The following PTCD3 variants were observed in gnomAD, a reference collection of about 807,000 sequenced individuals.
The protein encoded by PTCD3 is small ribosomal subunit protein mS39.
Under a neutral mutation model 101.9 loss-of-function variants are expected in PTCD3, and 89 were observed. That is an observed-to-expected ratio of 0.87 (90% CI 0.74 to 1.04). PTCD3 has a LOEUF of 1.04. PTCD3 is among the 50% of genes least tolerant of loss of function. PTCD3 has a pLI of 0.00. For synonymous variants in PTCD3, 296 were observed against 278.5 expected (o/e 1.06, Z -0.63); for missense variants, 870 against 828.2 (o/e 1.05, Z -0.62).
At chr2:86,118,093 A>G (rs1336386675) in intron 6 of PTCD3, among the ~76,000 whole-genome samples, 2 of 152,140 alleles carry the variant, frequency 1.3e-5, no homozygotes, top group Non-Finnish European at 2.9e-5. Flanking sequence ...CTTCTTAAGC[A>G]TGGGTATCTT....
intron 6 of PTCD3, among the ~76,000 whole-genome samples, chr2:86,117,514 C>T (rs1674196743): frequency 6.6e-6 from 1 of 151,118 alleles, no homozygotes; most frequent in Non-Finnish European, 1.5e-5. Flanking sequence ...ATGGTACAAT[C>T]ATAGCTCATT....
chr2:86,133,757 G>C (rs780651793), intron 19 of PTCD3, among the ~76,000 whole-genome samples: 1 of 152,162 alleles, frequency 6.6e-6, no homozygotes, highest in East Asian at 1.9e-4. Context: ...TCTTTGACCC[G>C]GAAGCCTGTG....
At chr2:86,113,098 A>G (rs1674119650) in intron 4 of PTCD3, among the ~76,000 whole-genome samples, 1 of 152,232 alleles carries the variant, frequency 6.6e-6, no homozygotes, top group Admixed American at 6.5e-5. Context: ...GGGGTTAATT[A>G]TAGCACCAAA....
At chr2:86,117,306 C>G (rs938594372) in intron 6 of PTCD3, 147 bp downstream of exon 6, 56 of 513,304 alleles carry the variant, frequency 1.1e-4, no homozygotes, top group Non-Finnish European at 1.8e-4. Context: ...GCTTTGATCA[C>G]AAGACTAACT....
chr2:86,137,223 C>A, intron 23 of PTCD3, 83 bp downstream of exon 23: 1 of 1,441,376 alleles, frequency 6.9e-7, no homozygotes, highest in Non-Finnish European at 9.4e-7. Context: ...AGCTTTCTAT[C>A]CCTTCTATTT....
chr2:86,118,184 CTT>C (rs1158167063), intron 6 of PTCD3, among the ~76,000 whole-genome samples: 1 of 152,206 alleles, frequency 6.6e-6, no homozygotes, highest in Admixed American at 6.5e-5. Context: ...ATTTGGTACT[CTT>C]TTGTATATCT....
At position 86,115,785 on chromosome 2, in the gene PTCD3, A is replaced by G. The variant is rs191507409; in HGVS notation, c.241-745A>G. On this transcript the variant is annotated intron_variant, in intron 4 of 23. Transcript: ENST00000254630. Reference sequence around the variant, plus strand: ...TGATTATGCTCAGGTTTAGGGAGCAATTTTAATGGGTAACAGGACGTGGGA... The same window carrying G: ...TGATTATGCTCAGGTTTAGGGAGCAGTTTTAATGGGTAACAGGACGTGGGA... 2.6e-5 allele frequency among the ~76,000 whole-genome samples: 4 copies of G among 152,278 alleles called. No homozygotes were observed. The East Asian group carries it at 7.7e-4, about 29-fold the overall frequency.
At chr2:86,116,498 A>G (rs17509720) in intron 4 of PTCD3, 32 bp from the exon 5 acceptor site, 30,029 of 1,547,542 alleles carry the variant, frequency 0.019, 379 homozygotes, top group Non-Finnish European at 0.021. Context: ...CTTCAAAATA[A>G]ATATAGAAAT....
At chr2:86,125,646 A>G in intron 11 of PTCD3, 131 bp downstream of exon 11, 1 of 1,128,838 alleles carries the variant, frequency 8.9e-7, no homozygotes, top group South Asian at 1.4e-5. Flanking sequence ...GATTGAAGCA[A>G]GAGTAGAGAT....
At chr2:86,116,458 G>A in intron 4 of PTCD3, 72 bp from the exon 5 acceptor site, 1 of 1,236,134 alleles carries the variant, frequency 8.1e-7, no homozygotes, top group Non-Finnish European at 1.2e-6. Flanking sequence ...AATCCCTTGA[G>A]TCCAGGAGCT....
In PTCD3 at chr2:86,136,573, A is replaced by G. The variant is rs1017938068; in HGVS notation, c.1820+11A>G. ...TAATAAGATTCCTAGGTAAGTTGAA[A>G]TCAGCCAGCTCTCTTTGGGTACAGC... On this transcript the variant is annotated intron_variant, in intron 22 of 23. Transcript: ENST00000254630. 3 of 1,610,144 alleles carry G rather than the reference A, an allele frequency of 1.9e-6. No individual in the cohort carries two copies. The highest frequency in any genetic ancestry group is 1.7e-4 in the Middle Eastern group (1 of 6,058).
In PTCD3 at chr2:86,125,898, GTTTA is replaced by G. The variant is rs1674375827; in HGVS notation, c.951+22_951+25del. ...AAATACTGGTAAGGAGGAATCCTCA[GTTTA>G]TTTTTTAATAGGGCTTAAATACTCT... is the stretch of plus-strand genomic sequence containing the variant. On this transcript the variant is annotated intron_variant, in intron 12 of 23. Transcript: ENST00000254630. The G allele has an allele frequency of 6.5e-7, 1 of 1,536,970 alleles. No individual in the cohort carries two copies. Among genetic ancestry groups the G allele is most frequent in the East Asian group, 2.3e-5 (1 of 44,396 alleles).
intron 7 of PTCD3, among the ~76,000 whole-genome samples, chr2:86,120,198 TTC>T (rs1450240860): frequency 6.6e-6 from 1 of 152,154 alleles, no homozygotes; most frequent in African/African-American, 2.4e-5. Flanking sequence ...TGCATTGAAG[TTC>T]TTAGTGCTAA....
intron 19 of PTCD3, 114 bp downstream of exon 19, chr2:86,133,550 A>G (rs1194552815): frequency 9.7e-7 from 1 of 1,032,448 alleles, no homozygotes; most frequent in African/African-American, 1.6e-5. Flanking sequence ...GACTGAACCA[A>G]ATGTGTTAGT....
rs758657127 is a variant in PTCD3 at position 86,117,027 on chromosome 2, A to G, written c.310-28A>G. Reference sequence around the variant, plus strand: ...ATAATCTTGCTTGAGTTTAAATTACATGTATTTAAATCTTTTTCTTTATAT... The same window carrying G: ...ATAATCTTGCTTGAGTTTAAATTACGTGTATTTAAATCTTTTTCTTTATAT... On this transcript the variant is annotated intron_variant, in intron 5 of 23. Transcript: ENST00000254630. The G allele has an allele frequency of 5.7e-6, 5 of 873,622 alleles. No homozygotes were observed. In the East Asian group the frequency reaches 7.3e-5, roughly 13 times the overall value. 54.1% of individuals were successfully genotyped at this position (873,622 alleles called of 1,614,324 possible). A position where few individuals can be genotyped will look rare whatever the true frequency, so the allele number is the denominator to read the frequency against.
chr2:86,130,744 A>C lies in PTCD3; in HGVS notation c.1237+7A>C, dbSNP rs1208392830. On this transcript the variant is annotated splice_region_variant and intron_variant, in intron 15 of 23. Coordinates refer to ENST00000254630, the MANE Select transcript of PTCD3 (RefSeq NM_017952.6). Reference sequence around the variant, plus strand: ...CCAAAGGACCCGGATGATGGCATGTATAGAAATCACTTGTGTTTTCCTCCT... The same window carrying C: ...CCAAAGGACCCGGATGATGGCATGTCTAGAAATCACTTGTGTTTTCCTCCT... 1 of 1,613,052 alleles carries C rather than the reference A, an allele frequency of 6.2e-7. No individual in the cohort carries two copies. The highest frequency in any genetic ancestry group is 2.2e-5 in the East Asian group (1 of 44,876).
chr2:86,125,685 G>T (rs2104456418), intron 11 of PTCD3, 110 bp from the exon 12 acceptor site: 1 of 1,049,640 alleles, frequency 9.5e-7, no homozygotes, highest in Non-Finnish European at 1.4e-6. Flanking sequence ...TTCCAGTTTT[G>T]TGGACATGTG....
intron 19 of PTCD3, 123 bp downstream of exon 19, chr2:86,133,559 G>A: frequency 1.0e-6 from 1 of 967,818 alleles, no homozygotes; most frequent in African/African-American, 1.6e-5. Flanking sequence ...AAATGTGTTA[G>A]TTGAGATGTA....
At chr2:86,120,522 C>T (rs1674262016) in intron 7 of PTCD3, among the ~76,000 whole-genome samples, 1 of 152,078 alleles carries the variant, frequency 6.6e-6, no homozygotes, top group Admixed American at 6.6e-5. Context: ...TAGCCTGTAC[C>T]CTCTGCCCTG....
Sources: gnomAD v4.1 joint callset for allele counts (sites outside exome capture counted in the v4.1 genomes callset) on GRCh38, gnomAD v4.1.1 for gene constraint, MANE v1.5 for transcripts, NCBI Gene and HGNC (gene_info 2026-07-23, HGNC 2026-07-21) for gene names.